Variants in SFMBT1 observed in about 807,000 individuals in gnomAD.
The protein encoded by SFMBT1 is scm-like with four MBT domains protein 1.
A neutral mutation model predicts 108.7 loss-of-function variants in SFMBT1; 32 were observed. The observed-to-expected ratio is 0.29, with a 90% CI of 0.22 to 0.40. The LOEUF (loss-of-function observed/expected upper bound fraction) is 0.40, where lower values mean the gene tolerates loss of function less well. Ranked by LOEUF, SFMBT1 falls within the 10% of genes least tolerant of loss-of-function variation. The pLI is 1.00. For synonymous variants in SFMBT1, 348 were observed against 369.5 expected (o/e 0.94, Z 0.67); for missense variants, 816 against 1,059.6 (o/e 0.77, Z 3.19).
chr3:52,916,378 T>A (rs1039521200), intron 13 of SFMBT1, among the ~76,000 whole-genome samples, 164 bp from the exon 14 acceptor site: 3 of 147,080 alleles, frequency 2.0e-5, no homozygotes, highest in African/African-American at 7.6e-5. Context: ...TTTTTTTTTT[T>A]TAAAAGAACA....
At chr3:52,962,037 G>A (rs1033851063) in intron 2 of SFMBT1, among the ~76,000 whole-genome samples, 1 of 152,150 alleles carries the variant, frequency 6.6e-6, no homozygotes, top group Non-Finnish European at 1.5e-5. Flanking sequence ...ATGAAAATGT[G>A]CAAATTTTGT....
intron 1 of SFMBT1, among the ~76,000 whole-genome samples, chr3:53,021,815 A>G (rs1297597216): frequency 6.6e-6 from 1 of 152,218 alleles, no homozygotes; most frequent in East Asian, 1.9e-4. Context: ...AGGGGAAAAG[A>G]GAAAAAGCAC....
intron 1 of SFMBT1, among the ~76,000 whole-genome samples, chr3:53,005,571 C>G (rs373284469): frequency 9.6e-4 from 146 of 152,230 alleles, no homozygotes; most frequent in South Asian, 4.8e-3. Context: ...CTTGGCCTTC[C>G]GAAGTGTTGG....
chr3:52,976,069 T>C (rs1304241453), intron 1 of SFMBT1, among the ~76,000 whole-genome samples: 3 of 152,266 alleles, frequency 2.0e-5, no homozygotes, highest in Non-Finnish European at 4.4e-5. Flanking sequence ...ACAATCCAGC[T>C]ACATTTTTGT....
intron 2 of SFMBT1, among the ~76,000 whole-genome samples, chr3:52,959,955 A>G (rs1455700588): frequency 2.6e-5 from 4 of 151,966 alleles, no homozygotes; most frequent in Non-Finnish European, 5.9e-5. Context: ...ACCCTAGGGG[A>G]AACCATACTC....
At chr3:53,016,192 C>T (rs1318787091) in intron 1 of SFMBT1, among the ~76,000 whole-genome samples, 6 of 151,650 alleles carry the variant, frequency 4.0e-5, no homozygotes, top group Admixed American at 3.9e-4. Context: ...TTTAAGCTTA[C>T]ACCTCTAACT....
At chr3:52,993,131 T>TTTTTTTTTA (rs1705196301) in intron 1 of SFMBT1, among the ~76,000 whole-genome samples, 1 of 150,636 alleles carries the variant, frequency 6.6e-6, no homozygotes. Flanking sequence ...AAATAGCACA[T>TTTTTTTTTA]AGAGCAGGTA....
chr3:52,970,522 T>C (rs2106861635), intron 1 of SFMBT1, among the ~76,000 whole-genome samples: 1 of 152,342 alleles, frequency 6.6e-6, no homozygotes, highest in South Asian at 2.1e-4. Flanking sequence ...TATCTTAATA[T>C]GTGCCTAACA....
At chr3:52,922,887 G>A (rs936354607) in intron 10 of SFMBT1, among the ~76,000 whole-genome samples, 10 of 152,150 alleles carry the variant, frequency 6.6e-5, no homozygotes, top group African/African-American at 1.9e-4. Flanking sequence ...CCAGCCCTCC[G>A]CCTCTACCCA....
intron 1 of SFMBT1, among the ~76,000 whole-genome samples, chr3:52,995,813 T>C (rs867138376): frequency 6.7e-6 from 1 of 150,096 alleles, no homozygotes. Context: ...AGCTCACGCC[T>C]ATAATCTTAG....
chr3:52,922,506 G>A (rs1176923513), intron 10 of SFMBT1, among the ~76,000 whole-genome samples: 3 of 152,100 alleles, frequency 2.0e-5, no homozygotes, highest in African/African-American at 7.2e-5. Flanking sequence ...GGATATAACA[G>A]GAAAGGAAAC....
chr3:52,964,123 G>A (rs1262427856), intron 2 of SFMBT1, among the ~76,000 whole-genome samples: 1 of 152,166 alleles, frequency 6.6e-6, no homozygotes, highest in East Asian at 1.9e-4. Flanking sequence ...GACTACAAGT[G>A]CATGCCACTG....
At chr3:52,925,997 GC>G (rs11360013) in intron 10 of SFMBT1, 33 bp downstream of exon 10, 1,579,168 of 1,587,954 alleles carry the variant, frequency 0.99, 785,697 homozygotes, top group East Asian at 1. Flanking sequence ...CTGCAGCCCT[GC>G]CATAGTGGCC....
intron 3 of SFMBT1, among the ~76,000 whole-genome samples, chr3:52,945,720 T>C (rs1703344238): frequency 6.8e-6 from 1 of 147,752 alleles, no homozygotes; most frequent in South Asian, 2.1e-4. Context: ...GGCAGGAGAA[T>C]GGCATGAACC....
At chr3:53,033,769 CA>C (rs538122738) in intron 1 of SFMBT1, among the ~76,000 whole-genome samples, 5,940 of 107,354 alleles carry the variant, frequency 0.055, 133 homozygotes, top group African/African-American at 0.078. Context: ...CCAAAAAAGA[CA>C]AAAAAAAAAA....
chr3:52,999,117 C>T (rs1392915224), intron 1 of SFMBT1, among the ~76,000 whole-genome samples: 1 of 150,908 alleles, frequency 6.6e-6, no homozygotes, highest in Non-Finnish European at 1.5e-5. Flanking sequence ...GATCAAGGGC[C>T]CAGTACAAAG....
chr3:52,985,688 C>G (rs192732268), intron 1 of SFMBT1, among the ~76,000 whole-genome samples: 1 of 152,228 alleles, frequency 6.6e-6, no homozygotes, highest in Admixed American at 6.5e-5. Flanking sequence ...GGTATACTTA[C>G]GCAAACCTAG....
At chr3:53,036,624 G>A (rs967670907) in intron 1 of SFMBT1, among the ~76,000 whole-genome samples, 1 of 152,240 alleles carries the variant, frequency 6.6e-6, no homozygotes, top group Non-Finnish European at 1.5e-5. Context: ...GAAGCCCAAC[G>A]GGCAGGGATG....
Position 52,998,118 on chromosome 3 carries a change from G to GA in SFMBT1, c.-130-28861dup, listed in dbSNP as rs1303660605. ...TCTGCATAAATTCTAGTGTTCATAA[G>GA]AAAAAATGTAGATCAGGTCGGGCAC... On this transcript the variant is annotated intron_variant, in intron 1 of 20. Transcript: ENST00000394752. Among the ~76,000 whole-genome samples the GA allele has an allele frequency of 1.1e-4, 16 of 150,326 alleles. 1 individual carries two copies. Among genetic ancestry groups the GA allele is most frequent in the Non-Finnish European group, 1.5e-5 (1 of 67,106 alleles).
Sources: gnomAD v4.1 joint callset for allele counts (sites outside exome capture counted in the v4.1 genomes callset) on GRCh38, gnomAD v4.1.1 for gene constraint, MANE v1.5 for transcripts, NCBI Gene and HGNC (gene_info 2026-07-23, HGNC 2026-07-21) for gene names.